The following SGSM1 variants were observed in gnomAD, a reference collection of about 807,000 sequenced individuals.
SGSM1 encodes the protein small G protein signaling modulator 1.
SGSM1 carries 73 observed loss-of-function variants against 133.8 expected under a neutral mutation model. That is an observed-to-expected ratio of 0.55 (90% CI 0.45 to 0.66). The LOEUF (loss-of-function observed/expected upper bound fraction) is 0.66. SGSM1 is among the 30% of genes least tolerant of loss of function. The pLI is 0.00. For missense variants in SGSM1, 1,213 were observed against 1,448.1 expected, an observed-to-expected ratio of 0.84 and a Z score of 2.64; for synonymous variants, 563 against 573.0, an observed-to-expected ratio of 0.98 and a Z score of 0.25.
At chr22:24,900,389 T>TTCTTTCTTTCTTTC (rs1933104680) in intron 19 of SGSM1, among the ~76,000 whole-genome samples, 1 of 71,530 alleles carries the variant, frequency 1.4e-5, no homozygotes, top group African/African-American at 5.1e-5. Context: ...CTTTCTTTCT[T>TTCTTTCTTTCTTTC]TCTTTCTTTC....
chr22:24,867,027 T>A, intron 9 of SGSM1, 66 bp from the exon 10 acceptor site: 7 of 1,523,354 alleles, frequency 4.6e-6, no homozygotes, highest in Middle Eastern at 1.8e-4. Flanking sequence ...TCTGCTGGCC[T>A]CTGAGCCCCT....
At chr22:24,879,572 T>C (rs757302702) in intron 14 of SGSM1, 46 bp downstream of exon 14, 2 of 1,579,540 alleles carry the variant, frequency 1.3e-6, no homozygotes, top group African/African-American at 1.3e-5. Flanking sequence ...GGAGCAGCTA[T>C]TGGTGCCTGC....
chr22:24,891,344 A>G (rs1467220677), intron 16 of SGSM1, among the ~76,000 whole-genome samples: 1 of 152,222 alleles, frequency 6.6e-6, no homozygotes, highest in Non-Finnish European at 1.5e-5. Context: ...TGGGTGACAA[A>G]GTAAGACCCT....
chr22:24,856,180 A>G (rs138827962), intron 8 of SGSM1: 5 of 340,264 alleles, frequency 1.5e-5, no homozygotes, highest in East Asian at 7.8e-5. Context: ...TGGACCTGCT[A>G]TGTGCTAGGT....
intron 2 of SGSM1, among the ~76,000 whole-genome samples, chr22:24,815,560 G>A (rs1046436667): frequency 5.9e-5 from 9 of 152,194 alleles, no homozygotes; most frequent in Non-Finnish European, 8.8e-5. Context: ...GGATAACATG[G>A]TGAAACCCTG....
At chr22:24,812,574 C>T (rs764152240) in intron 2 of SGSM1, among the ~76,000 whole-genome samples, 12 of 152,142 alleles carry the variant, frequency 7.9e-5, no homozygotes, top group Non-Finnish European at 1.2e-4. Context: ...AGGAAAGGTC[C>T]ATTAGTCCCA....
intron 2 of SGSM1, among the ~76,000 whole-genome samples, chr22:24,807,126 C>T (rs1322069214): frequency 6.6e-6 from 1 of 152,090 alleles, no homozygotes; most frequent in Non-Finnish European, 1.5e-5. Flanking sequence ...CTCTGCCCCT[C>T]CACTCTCCTT....
At chr22:24,827,549 G>A (rs1254887950) in intron 2 of SGSM1, among the ~76,000 whole-genome samples, 1 of 152,050 alleles carries the variant, frequency 6.6e-6, no homozygotes, top group Non-Finnish European at 1.5e-5. Context: ...CCCAGGGAAG[G>A]CGGCACTGAG....
At chr22:24,855,172 G>A in intron 6 of SGSM1, 109 bp downstream of exon 6, 1 of 1,550,148 alleles carries the variant, frequency 6.5e-7, no homozygotes. Flanking sequence ...TGGAAATGCA[G>A]CACTGTTCTA....
At chr22:24,920,645 A>G (rs1933973541) in intron 24 of SGSM1, among the ~76,000 whole-genome samples, 1 of 151,888 alleles carries the variant, frequency 6.6e-6, no homozygotes, top group Non-Finnish European at 1.5e-5. Flanking sequence ...ATCACTATTT[A>G]AAAATGTTTT....
At chr22:24,848,924 C>T (rs758300634) in intron 4 of SGSM1, among the ~76,000 whole-genome samples, 1 of 152,154 alleles carries the variant, frequency 6.6e-6, no homozygotes, top group Non-Finnish European at 1.5e-5. Flanking sequence ...TCTGTCAACT[C>T]CCATTTGGAA....
At chr22:24,879,558 C>A in intron 14 of SGSM1, 32 bp downstream of exon 14, 1 of 1,604,134 alleles carries the variant, frequency 6.2e-7, no homozygotes, top group South Asian at 1.1e-5. Context: ...CAGTGTGTCT[C>A]CGTGGAGCAG....
intron 17 of SGSM1, 119 bp downstream of exon 17, chr22:24,893,732 T>G: frequency 8.7e-7 from 1 of 1,148,464 alleles, no homozygotes; most frequent in South Asian, 1.8e-5. Context: ...GTCTCACCCC[T>G]GGCTTTTTCT....
At chr22:24,907,662 C>T (rs761048971) in intron 21 of SGSM1, among the ~76,000 whole-genome samples, 29 of 151,860 alleles carry the variant, frequency 1.9e-4, no homozygotes, top group African/African-American at 4.1e-4. Context: ...CAGTGTCTCA[C>T]GCCTGTAATC....
At chr22:24,863,866 C>T (rs1037324282) in intron 9 of SGSM1, among the ~76,000 whole-genome samples, 3 of 151,718 alleles carry the variant, frequency 2.0e-5, no homozygotes, top group Non-Finnish European at 2.9e-5. Flanking sequence ...CTCAGCCTCC[C>T]GAGTAGCTGG....
intron 2 of SGSM1, among the ~76,000 whole-genome samples, chr22:24,838,577 C>T (rs1479118224): frequency 6.6e-6 from 1 of 152,130 alleles, no homozygotes; most frequent in African/African-American, 2.4e-5. Context: ...CCACAAGGGT[C>T]AATTTCTATG....
intron 21 of SGSM1, among the ~76,000 whole-genome samples, chr22:24,907,955 T>A: frequency 7.1e-6 from 1 of 141,470 alleles, no homozygotes; most frequent in Admixed American, 7.1e-5. Flanking sequence ...GGACTCACAG[T>A]ACCTGATTTC....
chr22:24,917,672 G>T lies in SGSM1; in HGVS notation c.2943G>T (p.Glu981Asp). 2 of 1,613,552 alleles carry T rather than the reference G, an allele frequency of 1.2e-6. No individual in the cohort carries two copies. Among genetic ancestry groups the T allele is most frequent in the East Asian group, 4.5e-5 (2 of 44,862 alleles). Residue 981 changes from glutamate to aspartate, a missense_variant, in exon 23 of 25, where the codon GAG (glutamate) becomes GAT (aspartate). Transcript: ENST00000400358. Reference protein sequence around the residue: ...MRSLIQILDSELFELMHQNGD... With the variant: ...MRSLIQILDSDLFELMHQNGD... Reference sequence around the variant, plus strand: ...TTCCTTGACAGATCCTGGACTCAGAGCTGTTTGAGCTGATGCATCAGAACG... The same window carrying T: ...TTCCTTGACAGATCCTGGACTCAGATCTGTTTGAGCTGATGCATCAGAACG...
rs967708104 is a variant in SGSM1, at chr22:24,841,079, T to C, written c.64-3818T>C. Reference sequence around the variant, plus strand: ...GTTAGCCAAGATGGTCTCGATCTCCTGACCTTGTGATCCGCCCGCCTTGGC... The same window carrying C: ...GTTAGCCAAGATGGTCTCGATCTCCCGACCTTGTGATCCGCCCGCCTTGGC... On this transcript the variant is annotated intron_variant, in intron 2 of 24. Transcript: ENST00000400358. Among the ~76,000 whole-genome samples the C allele has an allele frequency of 7.9e-5, 12 of 151,850 alleles. No homozygotes were observed. In the East Asian group the frequency reaches 1.2e-3, roughly 15 times the overall value.
Sources: gnomAD v4.1 joint callset for allele counts (sites outside exome capture counted in the v4.1 genomes callset) on GRCh38, gnomAD v4.1.1 for gene constraint, MANE v1.5 for transcripts, NCBI Gene and HGNC (gene_info 2026-07-23, HGNC 2026-07-21) for gene names.